CFAP251: variants seen among roughly 807,000 people sequenced by gnomAD.
CFAP251 encodes cilia- and flagella-associated protein 251.
Under a neutral mutation model 126.7 loss-of-function variants are expected in CFAP251, and 93 were observed. The observed-to-expected ratio is 0.73, with a 90% CI of 0.62 to 0.87. The LOEUF is 0.87. Among genes scored for constraint, CFAP251 ranks in the 40% least tolerant of loss-of-function variants. The probability of loss-of-function intolerance (pLI) is 0.00; values close to 1 mark genes in which losing one functional copy is unlikely to be tolerated. For missense variants in CFAP251, 1,287 were observed against 1,389.2 expected (o/e 0.93, Z 1.17); for synonymous variants, 503 against 506.9 (o/e 0.99, Z 0.10).
At chr12:121,928,240 A>T (rs1478996193) in intron 3 of CFAP251, among the ~76,000 whole-genome samples, 1 of 152,224 alleles carries the variant, frequency 6.6e-6, no homozygotes, top group Admixed American at 6.6e-5. Flanking sequence ...TGAATAAATC[A>T]GCTTTTAAGA....
In CFAP251 at chr12:121,918,991, A is replaced by T. The variant is rs1043721553; in HGVS notation, c.-21+296A>T. 2.0e-5 allele frequency among the ~76,000 whole-genome samples: 3 copies of T among 152,056 alleles called. No homozygotes were observed. The highest frequency in any genetic ancestry group is 4.4e-5 in the Non-Finnish European group (3 of 68,008). ...AGAGGCTCGGTGGTGAGAGCCCTAG[A>T]CTTGATTCAGAGCAGTGATTTTTCA... On this transcript the variant is annotated intron_variant, in intron 1 of 21. Coordinates refer to ENST00000288912, the MANE Select transcript of CFAP251 (RefSeq NM_144668.6). This position sits in a 1 kb window ranked among gnomAD's most constrained non-coding sequence, Gnocchi z 4.3.
intron 5 of CFAP251, among the ~76,000 whole-genome samples, chr12:121,936,554 G>A (rs906691645): frequency 6.6e-6 from 1 of 152,138 alleles, no homozygotes; most frequent in Admixed American, 6.6e-5. Flanking sequence ...GGCAGTTGGG[G>A]GATACTGTGG....
At chr12:121,997,539 C>T (rs1041892832) in intron 19 of CFAP251, 1 of 151,180 alleles carries the variant, frequency 6.6e-6, no homozygotes, top group African/African-American at 2.4e-5. Flanking sequence ...CTTCCAATCC[C>T]TGAATATGGA....
At chr12:121,963,989 A>ACC (rs1882036741) in intron 15 of CFAP251, among the ~76,000 whole-genome samples, 1 of 152,092 alleles carries the variant, frequency 6.6e-6, no homozygotes. Context: ...AGAATGTTTC[A>ACC]GTGATCCACC....
intron 4 of CFAP251, 32 bp downstream of exon 4, chr12:121,931,918 G>A (rs1204419727): frequency 6.7e-7 from 1 of 1,482,052 alleles, no homozygotes; most frequent in Non-Finnish European, 9.0e-7. Context: ...ACAGGTGGGG[G>A]AGTTGTCTTT....
intron 5 of CFAP251, among the ~76,000 whole-genome samples, chr12:121,940,745 A>C (rs1024292944): frequency 6.6e-6 from 1 of 152,202 alleles, no homozygotes; most frequent in Non-Finnish European, 1.5e-5. Flanking sequence ...TGTTGGAATC[A>C]TACAGCTCTA....
At chr12:121,984,767 G>A (rs1008741203) in intron 19 of CFAP251, among the ~76,000 whole-genome samples, 5 of 152,140 alleles carry the variant, frequency 3.3e-5, no homozygotes, top group Admixed American at 2.0e-4. Flanking sequence ...GACTGTCCAC[G>A]TTGGGATGGG....
intron 19 of CFAP251, among the ~76,000 whole-genome samples, chr12:121,994,395 C>G (rs1440720545): frequency 1.1e-5 from 1 of 87,680 alleles, no homozygotes; most frequent in African/African-American, 4.3e-5. Flanking sequence ...CGCCTCTGCC[C>G]GGCCGCCCCT....
intron 17 of CFAP251, among the ~76,000 whole-genome samples, chr12:121,970,171 G>A (rs766575443): frequency 5.3e-5 from 8 of 152,118 alleles, no homozygotes; most frequent in South Asian, 2.1e-4. Flanking sequence ...AGTCTATGGC[G>A]CTTCTGCCCC....
intron 3 of CFAP251, among the ~76,000 whole-genome samples, chr12:121,930,856 C>G (rs1445188158): frequency 6.6e-6 from 1 of 150,532 alleles, no homozygotes; most frequent in Non-Finnish European, 1.5e-5. Flanking sequence ...TCAAGTGATT[C>G]TCCAGCCTCA....
chr12:121,986,322 G>A (rs1882745874), intron 19 of CFAP251, among the ~76,000 whole-genome samples: 1 of 140,246 alleles, frequency 7.1e-6, no homozygotes, highest in African/African-American at 2.7e-5. Context: ...TTTGGAGACC[G>A]AGTCTCCCTC....
chr12:121,979,563 CTTTT>C (rs71082922), intron 19 of CFAP251, among the ~76,000 whole-genome samples: 3 of 84,996 alleles, frequency 3.5e-5, no homozygotes. Context: ...CTTTCTTCTT[CTTTT>C]TTTTTTTTTT....
Position 121,974,688 on chromosome 12 carries a change from A to G in CFAP251, c.2772-556A>G, listed in dbSNP as rs994863551. On this transcript the variant is annotated intron_variant, in intron 17 of 21. Coordinates refer to ENST00000288912, the MANE Select transcript of CFAP251 (RefSeq NM_144668.6). The surrounding 1 kb of genome is among the most constrained non-coding windows in gnomAD (Gnocchi z 4.6). Reference sequence around the variant, plus strand: ...GGAGGCAAAGTTGGTCTCATACAAAAGTAGGTTTTCTTACCATTGAAAGGG... The same window carrying G: ...GGAGGCAAAGTTGGTCTCATACAAAGGTAGGTTTTCTTACCATTGAAAGGG... Among the ~76,000 whole-genome samples the G allele has an allele frequency of 4.6e-5, 7 of 152,232 alleles. No homozygotes were observed. The highest frequency in any genetic ancestry group is 1.7e-4 in the African/African-American group (7 of 41,456).
rs544124693 is a variant in CFAP251 at position 121,934,903 on chromosome 12, A to T, written c.998+547A>T. Among the ~76,000 whole-genome samples, 5 of 152,232 alleles carry T rather than the reference A, an allele frequency of 3.3e-5. No homozygotes were observed. In the East Asian group the frequency reaches 9.6e-4, roughly 29 times the overall value. On this transcript the variant is annotated intron_variant, in intron 5 of 21. Coordinates refer to ENST00000288912, the MANE Select transcript of CFAP251 (RefSeq NM_144668.6). Reference sequence around the variant, plus strand: ...CTCATTGCAGCCATGAACTCCCAGGATCAAGAGATTCTCCTGCCTTGGCCT... The same window carrying T: ...CTCATTGCAGCCATGAACTCCCAGGTTCAAGAGATTCTCCTGCCTTGGCCT...
chr12:121,925,681 T>G (rs1880380272), intron 3 of CFAP251, among the ~76,000 whole-genome samples: 1 of 30,418 alleles, frequency 3.3e-5, no homozygotes, highest in Non-Finnish European at 6.4e-5. Context: ...GCAATGTCTC[T>G]AAGAAGGTGT....
chr12:121,958,641 A>T, intron 12 of CFAP251, 119 bp downstream of exon 12: 2 of 1,473,666 alleles, frequency 1.4e-6, no homozygotes, highest in East Asian at 2.3e-5. Flanking sequence ...AGCAGGCTGG[A>T]TGAGGCGCCT....
intron 11 of CFAP251, among the ~76,000 whole-genome samples, chr12:121,957,595 T>C (rs528972619): frequency 8.1e-4 from 123 of 150,998 alleles, no homozygotes; most frequent in African/African-American, 2.9e-3. Flanking sequence ...TCCCAGCTAC[T>C]CGGGAGGCTG....
At chr12:121,935,822 C>G (rs547613031) in intron 5 of CFAP251, among the ~76,000 whole-genome samples, 1 of 152,290 alleles carries the variant, frequency 6.6e-6, no homozygotes, top group East Asian at 1.9e-4. Context: ...GGTTGTGTTC[C>G]CTCCTTGTAT....
rs1882824776 is a variant in CFAP251, at chr12:121,989,460, G to A, written c.3007-10256G>A. Among the ~76,000 whole-genome samples, 1 of 152,236 alleles carries A rather than the reference G, an allele frequency of 6.6e-6. No individual in the cohort carries two copies. The highest frequency in any genetic ancestry group is 2.1e-4 in the South Asian group (1 of 4,834). ...CATCCAGATCTAGTTCCTGGAGGGA[G>A]GTATGGAGCAGTTGGGGTCACAGTG... On this transcript the variant is annotated intron_variant, in intron 19 of 21. Transcript: ENST00000288912. This position sits in a 1 kb window ranked among gnomAD's most constrained non-coding sequence, Gnocchi z 4.2.
Sources: allele counts gnomAD v4.1 joint callset (sites outside exome capture counted in the v4.1 genomes callset), GRCh38; gene constraint gnomAD v4.1.1; non-coding constraint Gnocchi (gnomAD v3.1); transcripts MANE v1.5; gene names NCBI Gene and HGNC (gene_info 2026-07-23, HGNC 2026-07-21).